ODAD2: variants seen among roughly 807,000 people sequenced by gnomAD.
The protein encoded by ODAD2 is outer dynein arm-docking complex subunit 2.
In ODAD2, 89 loss-of-function variants were observed where a neutral mutation model predicts 106.8. The ratio of observed to expected loss-of-function variants is 0.83; its 90% CI spans 0.70 to 0.99. ODAD2 has a LOEUF of 0.99. Ranked by LOEUF, ODAD2 falls within the 50% of genes least tolerant of loss-of-function variation. ODAD2 has a pLI of 0.00. For synonymous variants in ODAD2, 404 were observed against 436.2 expected, an observed-to-expected ratio of 0.93 and a Z score of 0.92; for missense variants, 1,168 against 1,238.5, an observed-to-expected ratio of 0.94 and a Z score of 0.85.
intron 19 of ODAD2, among the ~76,000 whole-genome samples, chr10:27,823,378 C>A (rs1836764372): frequency 6.6e-6 from 1 of 150,848 alleles, no homozygotes; most frequent in African/African-American, 2.4e-5. Context: ...AAAAATATTC[C>A]CATAGATTAT....
intron 10 of ODAD2, chr10:27,958,963 T>C (rs1847918427): frequency 1.5e-6 from 2 of 1,303,664 alleles, no homozygotes; most frequent in Non-Finnish European, 2.0e-6. Flanking sequence ...TTTTGACTTG[T>C]TTCCTTTTGC....
chr10:27,962,239 T>A (rs1681625019), intron 9 of ODAD2, among the ~76,000 whole-genome samples: 1 of 152,246 alleles, frequency 6.6e-6, no homozygotes, highest in Non-Finnish European at 1.5e-5. Flanking sequence ...TGCCACTCAT[T>A]GCATGTGGTC....
intron 17 of ODAD2, among the ~76,000 whole-genome samples, chr10:27,885,906 A>AAT (rs1174947180): frequency 3.9e-4 from 48 of 123,556 alleles, no homozygotes; most frequent in Non-Finnish European, 6.1e-4. Flanking sequence ...TATATATAAA[A>AAT]ATATATATAT....
At chr10:27,999,462 T>G (rs945371967), upstream of ODAD2, among the ~76,000 whole-genome samples, 1 of 152,124 alleles carries the variant, frequency 6.6e-6, no homozygotes, top group Non-Finnish European at 1.5e-5. Context: ...AAAACAAATA[T>G]GGTAGAATAC....
intron 16 of ODAD2, among the ~76,000 whole-genome samples, chr10:27,923,149 A>G (rs771279442): frequency 2.6e-5 from 4 of 152,172 alleles, no homozygotes; most frequent in Non-Finnish European, 4.4e-5. Context: ...CATTGTTGAA[A>G]CTAAACATTA....
chr10:27,986,105 A>C (rs1849858698), intron 3 of ODAD2, among the ~76,000 whole-genome samples: 1 of 152,198 alleles, frequency 6.6e-6, no homozygotes, highest in African/African-American at 2.4e-5. Context: ...TGGTCATGGG[A>C]TATGCCAAGG....
At chr10:27,953,642 C>A (rs1214081649) in intron 10 of ODAD2, among the ~76,000 whole-genome samples, 3 of 151,928 alleles carry the variant, frequency 2.0e-5, no homozygotes, top group Non-Finnish European at 4.4e-5. Flanking sequence ...TATGAAAGAT[C>A]ACCAAGACAG....
chr10:27,933,693 T>G (rs1416320627), intron 16 of ODAD2, among the ~76,000 whole-genome samples: 1 of 152,188 alleles, frequency 6.6e-6, no homozygotes, highest in African/African-American at 2.4e-5. Context: ...CATGCAGCCA[T>G]TTCTGGCAAG....
chr10:27,859,060 T>G (rs555188816), intron 19 of ODAD2, among the ~76,000 whole-genome samples: 4,143 of 151,834 alleles, frequency 0.027, 67 homozygotes, highest in Non-Finnish European at 0.043. Flanking sequence ...TAGTTTCTTT[T>G]TTTTTTAAGA....
At chr10:27,934,944 T>C (rs1216672091) in intron 16 of ODAD2, 66 bp downstream of exon 16, 1 of 1,567,574 alleles carries the variant, frequency 6.4e-7, no homozygotes, top group Non-Finnish European at 8.8e-7. Context: ...ATGACACTAT[T>C]CTGTGACCTC....
In ODAD2 at chr10:27,940,257, G is replaced by GCA. The variant is rs1554815638; in HGVS notation, c.1987-251_1987-250insTG. On this transcript the variant is annotated intron_variant, in intron 13 of 19. Transcript: ENST00000305242. ...ATGTGTGATATATATATAAATGTCA[G>GCA]TATATGTGATATATATATAAATGCC... Among the ~76,000 whole-genome samples, 7,751 of 105,374 alleles carry GCA rather than the reference G, an allele frequency of 0.074. 659 individuals carry two copies. The highest frequency in any genetic ancestry group is 0.22 in the African/African-American group (7,327 of 33,146). 69.1% of individuals were successfully genotyped at this position (105,374 alleles called of 152,430 possible). A position where few individuals can be genotyped will look rare whatever the true frequency, so the allele number is the denominator to read the frequency against.
chr10:27,819,277 GA>G (rs1836400941), intron 19 of ODAD2, among the ~76,000 whole-genome samples: 1 of 151,882 alleles, frequency 6.6e-6, no homozygotes, highest in South Asian at 2.1e-4. Flanking sequence ...TAGAAGGAAT[GA>G]AAAAGGGGGA....
chr10:27,878,433 C>G (rs1841489110), intron 17 of ODAD2, among the ~76,000 whole-genome samples: 1 of 152,114 alleles, frequency 6.6e-6, no homozygotes, highest in Non-Finnish European at 1.5e-5. Flanking sequence ...AATTCCTTCT[C>G]TTGCCTCCAG....
Position 27,994,909 on chromosome 10 carries a change from A to T in ODAD2, c.224+10T>A, listed in dbSNP as rs780822363. ...AGATATCAAATCCTAGAAGCAAGTA[A>T]CTGGCTTACCTGACAACATAACCTG... On this transcript the variant is annotated intron_variant, in intron 2 of 19. Coordinates refer to ENST00000305242, the MANE Select transcript of ODAD2 (RefSeq NM_018076.5). 1 of 1,613,390 alleles carries T rather than the reference A, an allele frequency of 6.2e-7. No homozygotes were observed. The highest frequency in any genetic ancestry group is 8.5e-7 in the Non-Finnish European group (1 of 1,179,510).
upstream of ODAD2, among the ~76,000 whole-genome samples, chr10:27,999,240 G>A (rs1166283648): frequency 6.6e-6 from 1 of 152,224 alleles, no homozygotes; most frequent in Non-Finnish European, 1.5e-5. Context: ...TTTGACAGAG[G>A]TCGTGAGCAG....
intron 16 of ODAD2, among the ~76,000 whole-genome samples, chr10:27,918,276 A>G (rs948259882): frequency 6.6e-6 from 1 of 151,960 alleles, no homozygotes; most frequent in Non-Finnish European, 1.5e-5. Flanking sequence ...AATATAAAAT[A>G]TCAGCAACAT....
chr10:27,882,030 A>G (rs1482389337), intron 17 of ODAD2, among the ~76,000 whole-genome samples: 3 of 151,924 alleles, frequency 2.0e-5, no homozygotes, highest in African/African-American at 2.4e-5. Context: ...CTAGCTGGGC[A>G]TGGTGGCATG....
At chr10:27,961,869 A>T (rs1206473994) in intron 9 of ODAD2, among the ~76,000 whole-genome samples, 154 bp from the exon 10 acceptor site, 1 of 152,162 alleles carries the variant, frequency 6.6e-6, no homozygotes, top group Non-Finnish European at 1.5e-5. Context: ...GTTCAACACC[A>T]GCCTGGACAA....
chr10:27,907,485 A>G (rs1843681678), intron 17 of ODAD2, among the ~76,000 whole-genome samples, 178 bp downstream of exon 17: 1 of 148,716 alleles, frequency 6.7e-6, no homozygotes, highest in African/African-American at 2.5e-5. Flanking sequence ...TTTGCATTTT[A>G]AAACTGACCA....
Sources: gnomAD v4.1 joint callset for allele counts (sites outside exome capture counted in the v4.1 genomes callset) on GRCh38, gnomAD v4.1.1 for gene constraint, MANE v1.5 for transcripts, NCBI Gene and HGNC (gene_info 2026-07-23, HGNC 2026-07-21) for gene names.